USP44: variants seen among roughly 807,000 people sequenced by gnomAD.
USP44 encodes ubiquitin carboxyl-terminal hydrolase 44.
A neutral mutation model predicts 69.0 loss-of-function variants in USP44; 61 were observed. The observed-to-expected ratio is 0.88, with a 90% CI of 0.72 to 1.09. USP44 has a LOEUF of 1.09. USP44 is among the 50% of genes least tolerant of loss of function. USP44 has a pLI of 0.00. For missense variants in USP44, 753 were observed against 849.9 expected (o/e 0.89, Z 1.42); for synonymous variants, 297 against 295.4 (o/e 1.01, Z -0.06).
At chr12:95,522,924 C>T (rs1189141842) in intron 4 of USP44, among the ~76,000 whole-genome samples, 1 of 152,078 alleles carries the variant, frequency 6.6e-6, no homozygotes, top group Non-Finnish European at 1.5e-5. Context: ...AGCTTCCTTC[C>T]AAACACTGCC....
At position 95,519,066 on chromosome 12, in the gene USP44, T is replaced by C. The variant is rs75755929; in HGVS notation, c.1940-713A>G. On this transcript the variant is annotated intron_variant, in intron 5 of 5. Transcript: ENST00000258499. Reference sequence around the variant, plus strand: ...TGGGCACATAAGCATAATGCACTTATGTACATTACATGCACATAAGTATGC... The same window carrying C: ...TGGGCACATAAGCATAATGCACTTACGTACATTACATGCACATAAGTATGC... Among the ~76,000 whole-genome samples the C allele has an allele frequency of 8.8e-4, 134 of 152,348 alleles. 1 individual carries two copies. In the East Asian group the frequency reaches 0.025, roughly 28 times the overall value.
Position 95,517,030 on chromosome 12 carries a change from CAGA to C in USP44, c.*1121_*1123del, listed in dbSNP as rs1334783134. The C allele has an allele frequency of 2.0e-5, 3 of 148,220 alleles. No individual in the cohort carries two copies. The highest frequency in any genetic ancestry group is 6.7e-5 in the Admixed American group (1 of 14,834). The allele number at this position is 148,220 out of a possible 1,614,324, so 9.2% of individuals were successfully genotyped here. A position where few individuals can be genotyped will look rare whatever the true frequency, so the allele number is the denominator to read the frequency against. ...CTTTAAAGAAACCCAGTGAGATTAT[CAGA>C]AGAAGAAAAAGAGTGACTCACACTG... On this transcript the variant is annotated 3_prime_UTR_variant, in exon 6 of 6. Transcript: ENST00000258499.
rs1224444707 is a variant in USP44, at chr12:95,516,661, T to TAATA, written c.*1489_*1492dup. On this transcript the variant is annotated 3_prime_UTR_variant, in exon 6 of 6. Transcript: ENST00000258499. ...ATGAACAATTTTAAACATAGCCATT[T>TAATA]AATATTCCAGATGTATTTTCGGCAC... 2 of 152,226 alleles carry TAATA rather than the reference T, an allele frequency of 1.3e-5. No homozygotes were observed. Among genetic ancestry groups the TAATA allele is most frequent in the East Asian group, 1.9e-4 (1 of 5,196 alleles). 9.4% of individuals were successfully genotyped at this position (152,226 alleles called of 1,614,324 possible).
At chr12:95,520,957 C>G in intron 5 of USP44, 40 bp downstream of exon 5, 1 of 1,595,438 alleles carries the variant, frequency 6.3e-7, no homozygotes, top group Non-Finnish European at 8.6e-7. Flanking sequence ...CTCCAGCCTC[C>G]AAGTCCAACC....
At position 95,517,361 on chromosome 12, in the gene USP44, C is replaced by T. The variant is rs2076506795; in HGVS notation, c.*793G>A. 1 of 151,774 alleles carries T rather than the reference C, an allele frequency of 6.6e-6. No individual in the cohort carries two copies. The highest frequency in any genetic ancestry group is 2.1e-4 in the South Asian group (1 of 4,810). 9.4% of individuals were successfully genotyped at this position (151,774 alleles called of 1,614,324 possible). A position where few individuals can be genotyped will look rare whatever the true frequency, so the allele number is the denominator to read the frequency against. ...CAGACATTATAAAATGAACTCATACCCAAGGTAAACTATTTGAATAACATC... is the reference window on the plus strand; with the variant it reads ...CAGACATTATAAAATGAACTCATACTCAAGGTAAACTATTTGAATAACATC... On this transcript the variant is annotated 3_prime_UTR_variant, in exon 6 of 6. Transcript: ENST00000258499.
At chr12:95,519,501 G>T (rs1413180428) in intron 5 of USP44, among the ~76,000 whole-genome samples, 1 of 141,166 alleles carries the variant, frequency 7.1e-6, no homozygotes, top group Non-Finnish European at 1.5e-5. Flanking sequence ...GTACAGTGGC[G>T]CAGTCTCGGC....
rs908931598 is a variant in USP44 at position 95,544,919 on chromosome 12, G to A, written c.-71+6353C>T. Among the ~76,000 whole-genome samples the A allele has an allele frequency of 2.0e-5, 3 of 151,870 alleles. No individual in the cohort carries two copies. The South Asian group carries it at 6.2e-4, about 32-fold the overall frequency. Reference sequence around the variant, plus strand: ...TCAATATTAAGGTATTTCTAAAATAGCCACGATTTTATAAATATTAAGATT... The same window carrying A: ...TCAATATTAAGGTATTTCTAAAATAACCACGATTTTATAAATATTAAGATT... On this transcript the variant is annotated intron_variant, in intron 1 of 5. Coordinates refer to ENST00000258499, the MANE Select transcript of USP44 (RefSeq NM_032147.5).
intron 3 of USP44, 101 bp from the exon 4 acceptor site, chr12:95,524,889 T>C: frequency 9.3e-7 from 1 of 1,076,964 alleles, no homozygotes; most frequent in Non-Finnish European, 1.3e-6. Context: ...GAAAAGTATG[T>C]ACTGTGTTCC....
At chr12:95,520,228 C>A (rs888358697) in intron 5 of USP44, among the ~76,000 whole-genome samples, 3 of 151,768 alleles carry the variant, frequency 2.0e-5, no homozygotes, top group African/African-American at 7.3e-5. Flanking sequence ...TGTGGTGGCT[C>A]ATGCCTGTAA....
chr12:95,529,040 T>G, intron 2 of USP44, 38 bp from the exon 3 acceptor site: 2 of 1,524,418 alleles, frequency 1.3e-6, no homozygotes, highest in Non-Finnish European at 1.8e-6. Flanking sequence ...ATTATAATCT[T>G]TCCATCAAAA....
intron 1 of USP44, among the ~76,000 whole-genome samples, chr12:95,537,886 A>G (rs187579680): frequency 3.6e-4 from 55 of 152,332 alleles, no homozygotes; most frequent in Non-Finnish European, 6.2e-4. Context: ...AGTGTTAAGT[A>G]TGTGCTAAAT....
Position 95,518,276 on chromosome 12 carries a change from A to G in USP44, c.2017T>C (p.Leu673=). The G allele has an allele frequency of 6.2e-7, 1 of 1,614,192 alleles. No individual in the cohort carries two copies. The highest frequency in any genetic ancestry group is 8.5e-7 in the Non-Finnish European group (1 of 1,180,034). Residue 673 remains leucine (L), a synonymous_variant, in exon 6 of 6, where the codon TTG becomes CTG. Coordinates refer to ENST00000258499, the MANE Select transcript of USP44 (RefSeq NM_032147.5). ...TCAGTAACTCGTTGGGTATAAAACA[A>G]GATATAAGCTTGAGCCTTGCATACT... ...DEVCKAQAYI[L]FYTQRVTENG...
At chr12:95,549,846 C>G (rs1406338474) in intron 1 of USP44, among the ~76,000 whole-genome samples, 1 of 151,962 alleles carries the variant, frequency 6.6e-6, no homozygotes, top group Non-Finnish European at 1.5e-5. Context: ...CAAGAAGGAG[C>G]GGCACAGGAT....
intron 4 of USP44, chr12:95,521,971 T>C (rs2076680091): frequency 1.2e-6 from 1 of 864,880 alleles, no homozygotes; most frequent in Non-Finnish European, 1.4e-6. Context: ...CCCCTCGCTG[T>C]GTGTAAGTCA....
chr12:95,532,836 A>C lies in USP44; in HGVS notation c.1421T>G (p.Leu474Arg), dbSNP rs951174010. 6.3e-7 allele frequency: 1 copy of C among 1,579,886 alleles called. No individual in the cohort carries two copies. Among genetic ancestry groups the C allele is most frequent in the African/African-American group, 1.4e-5 (1 of 73,152 alleles). The stretch of plus-strand genomic sequence containing the variant: ...ATTCTTAAAAATCCATACCTGACTA[A>C]GAAGTTGTCCATGAAAAATGTTATT... ...VVNNIFHGQL[L>R]SQVTCLACDN... Residue 474 changes from leucine (L) to arginine (R), a missense_variant, in exon 2 of 6, where the codon CTT (leucine) becomes CGT (arginine). Transcript: ENST00000258499.
chr12:95,548,396 A>G lies in USP44; in HGVS notation c.-71+2876T>C, dbSNP rs1438080169. 1 of 152,696 alleles carries G rather than the reference A, an allele frequency of 6.5e-6. No individual in the cohort carries two copies. The highest frequency in any genetic ancestry group is 1.5e-5 in the Non-Finnish European group (1 of 68,538). The allele number at this position is 152,696 out of a possible 1,614,324, so 9.5% of individuals were successfully genotyped here. On this transcript the variant is annotated intron_variant, in intron 1 of 5. Transcript: ENST00000258499. This position sits in a 1 kb window ranked among gnomAD's most constrained non-coding sequence, Gnocchi z 4.1. ...CCGGGATCAGCGCGAAGCCCCTTCC[A>G]GTCCCCGAAGCCCTCGCCCGCGCCC...
intron 3 of USP44, among the ~76,000 whole-genome samples, chr12:95,525,579 C>T (rs912734509): frequency 2.0e-5 from 3 of 152,240 alleles, no homozygotes; most frequent in African/African-American, 4.8e-5. Flanking sequence ...TTGCCCAGAA[C>T]ATCCCTCCAC....
At chr12:95,526,572 A>C (rs1457816816) in intron 3 of USP44, among the ~76,000 whole-genome samples, 1 of 152,086 alleles carries the variant, frequency 6.6e-6, no homozygotes, top group Non-Finnish European at 1.5e-5. Context: ...ATTCTGTCTC[A>C]AAAAAACAAC....
At position 95,551,306 on chromosome 12, in the gene USP44, C is replaced by A. The variant is rs1040910839; in HGVS notation, c.-105G>T. 1.3e-5 allele frequency: 2 copies of A among 152,398 alleles called. No homozygotes were observed. Among genetic ancestry groups the A allele is most frequent in the African/African-American group, 4.8e-5 (2 of 41,426 alleles). 9.4% of individuals were successfully genotyped at this position (152,398 alleles called of 1,614,324 possible). A position where few individuals can be genotyped will look rare whatever the true frequency, so the allele number is the denominator to read the frequency against. On this transcript the variant is annotated 5_prime_UTR_variant, in exon 1 of 6. Transcript: ENST00000258499. ...CCTCAAAATCAGTCTTTCCCCAGGT[C>A]GGCCTTTGGATAACTCAGAGGTCAG...
Sources: allele counts gnomAD v4.1 joint callset (sites outside exome capture counted in the v4.1 genomes callset), GRCh38; gene constraint gnomAD v4.1.1; non-coding constraint Gnocchi (gnomAD v3.1); transcripts MANE v1.5; gene names NCBI Gene and HGNC (gene_info 2026-07-23, HGNC 2026-07-21).